The following PIWIL1 variants were observed in gnomAD, a reference collection of about 807,000 sequenced individuals.
PIWIL1 encodes the protein piwi like RNA-mediated gene silencing 1.
In PIWIL1, 73 loss-of-function variants were observed where a neutral mutation model predicts 114.4. That is an observed-to-expected ratio of 0.64 (90% CI 0.53 to 0.78). PIWIL1 has a LOEUF of 0.78. PIWIL1 is among the 30% of genes least tolerant of loss of function. PIWIL1 has a pLI of 0.00. For missense variants in PIWIL1, 723 were observed against 1,063.1 expected (o/e 0.68, Z 4.45); for synonymous variants, 375 against 369.0 (o/e 1.02, Z -0.19).
At chr12:130,419,604 A>T in the PIWIL1 span, 1 of 152,344 alleles carries the variant, frequency 6.6e-6, no homozygotes, top group African/African-American at 2.4e-5. The surrounding 1 kb of genome is among the most constrained non-coding windows in gnomAD (Gnocchi z 4.3). Context: ...CTTTGTCAAT[A>T]GAGTTACTAA....
the PIWIL1 span, among the ~76,000 whole-genome samples, chr12:130,392,968 G>A: frequency 1.0e-5 from 1 of 100,198 alleles, no homozygotes; most frequent in Non-Finnish European, 2.3e-5. Context: ...CCCAGTCACC[G>A]TCATCACGTG....
At chr12:130,346,892 T>C in intron 5 of PIWIL1, 49 bp from the exon 6 acceptor site, 1 of 1,588,320 alleles carries the variant, frequency 6.3e-7, no homozygotes, top group African/African-American at 1.4e-5. Context: ...TTGGGCATAA[T>C]TGTCCTTTAA....
chr12:130,349,388 T>G lies in PIWIL1; in HGVS notation c.884T>G (p.Phe295Cys). 2 of 1,613,676 alleles carry G rather than the reference T, an allele frequency of 1.2e-6. No individual in the cohort carries two copies. The highest frequency in any genetic ancestry group is 1.7e-6 in the Non-Finnish European group (2 of 1,179,652). ...NFYHQTEEHK[F>C]QEQVSKELIG... ...TATCATCAGACAGAAGAACATAAAT[T>G]TCAAGAACAAGTTTCCAAAGAACTA... The change falls in exon 8 of 21, where the codon TTT (phenylalanine) becomes TGT (cysteine). Residue 295 changes from phenylalanine (F) to cysteine (C), a missense_variant. This residue lies in a region of PIWIL1 where 190 missense variants were observed against 294.4 expected (regional missense o/e 0.65). Transcript: ENST00000245255.
At chr12:130,361,667 G>A in intron 16 of PIWIL1, 66 bp downstream of exon 16, 1 of 1,237,968 alleles carries the variant, frequency 8.1e-7, no homozygotes, top group Non-Finnish European at 1.2e-6. Flanking sequence ...AGGTTCAGGA[G>A]TAGTGTTCAT....
the PIWIL1 span, chr12:130,424,858 C>A: frequency 8.1e-7 from 1 of 1,231,920 alleles, no homozygotes; most frequent in South Asian, 4.1e-5. The surrounding 1 kb of genome is among the most constrained non-coding windows in gnomAD (Gnocchi z 9.8). Flanking sequence ...TCAGTGCAGT[C>A]CTTACGGGGT....
intron 16 of PIWIL1, 26 bp downstream of exon 16, chr12:130,361,627 T>TG: frequency 6.4e-7 from 1 of 1,572,028 alleles, no homozygotes; most frequent in Non-Finnish European, 8.8e-7. Context: ...CTACTGTGGG[T>TG]GGCAGTGAGG....
the PIWIL1 span, among the ~76,000 whole-genome samples, chr12:130,407,983 C>T: frequency 6.6e-6 from 1 of 152,178 alleles, no homozygotes; most frequent in Non-Finnish European, 1.5e-5. Flanking sequence ...CAGCAAACGT[C>T]TCTACTTTGG....
At chr12:130,424,087 G>T in the PIWIL1 span, 1 of 946,690 alleles carries the variant, frequency 1.1e-6, no homozygotes, top group Non-Finnish European at 1.4e-6. This position sits in a 1 kb window ranked among gnomAD's most constrained non-coding sequence, Gnocchi z 9.8. Flanking sequence ...CCAGTGAAAG[G>T]ATGGGACAGA....
chr12:130,424,660 T>C, the PIWIL1 span: 1 of 1,231,768 alleles, frequency 8.1e-7, no homozygotes, highest in Non-Finnish European at 1.0e-6. The surrounding 1 kb of genome is among the most constrained non-coding windows in gnomAD (Gnocchi z 9.8). Context: ...CTGTAGGGCC[T>C]GCCGGGCCTG....
chr12:130,340,731 C>G (rs1486554536), intron 1 of PIWIL1, among the ~76,000 whole-genome samples: 2 of 151,874 alleles, frequency 1.3e-5, no homozygotes, highest in Non-Finnish European at 2.9e-5. Context: ...AAGAGACTTT[C>G]ATGCGCCAGT....
the PIWIL1 span, among the ~76,000 whole-genome samples, chr12:130,391,257 C>T: frequency 2.0e-5 from 3 of 152,346 alleles, no homozygotes; most frequent in East Asian, 3.9e-4. Context: ...GTCTCCGCTT[C>T]GGAAACAATG....
intron 15 of PIWIL1, 30 bp from the exon 16 acceptor site, chr12:130,361,468 G>T: frequency 2.5e-6 from 4 of 1,610,686 alleles, no homozygotes; most frequent in Non-Finnish European, 3.4e-6. Context: ...GTACTCCATT[G>T]TATCTAAAAT....
chr12:130,420,182 C>G, the PIWIL1 span, among the ~76,000 whole-genome samples: 1 of 152,168 alleles, frequency 6.6e-6, no homozygotes, highest in African/African-American at 2.4e-5. This position sits in a 1 kb window ranked among gnomAD's most constrained non-coding sequence, Gnocchi z 4.3. Context: ...CCGAGTCCTC[C>G]TCCTCCTCAG....
At chr12:130,422,435 G>A in the PIWIL1 span, 29 of 1,558,168 alleles carry the variant, frequency 1.9e-5, no homozygotes, top group Middle Eastern at 3.4e-4. The surrounding 1 kb of genome is among the most constrained non-coding windows in gnomAD (Gnocchi z 5.2). Context: ...ACACAACAGC[G>A]ATGATGGGGC....
At chr12:130,399,146 A>G in the PIWIL1 span, 1 of 1,399,386 alleles carries the variant, frequency 7.1e-7, no homozygotes. Context: ...TAAGGTGTGA[A>G]ATGAACACTC....
At chr12:130,410,330 G>T in the PIWIL1 span, among the ~76,000 whole-genome samples, 1 of 152,150 alleles carries the variant, frequency 6.6e-6, no homozygotes, top group Admixed American at 6.5e-5. Flanking sequence ...CCAGCCTGTG[G>T]CTTTTTATTC....
At chr12:130,407,326 T>C in the PIWIL1 span, among the ~76,000 whole-genome samples, 1 of 152,184 alleles carries the variant, frequency 6.6e-6, no homozygotes, top group African/African-American at 2.4e-5. Flanking sequence ...ACCTCACCTA[T>C]CACTGGTTTC....
the PIWIL1 span, chr12:130,424,548 C>T: frequency 7.3e-6 from 9 of 1,231,980 alleles, no homozygotes; most frequent in Admixed American, 8.4e-5. The surrounding 1 kb of genome is among the most constrained non-coding windows in gnomAD (Gnocchi z 9.8). Context: ...GCGGCTGAAC[C>T]GACAGCCCCT....
chr12:130,424,906 C>T, the PIWIL1 span: 1 of 1,135,148 alleles, frequency 8.8e-7, no homozygotes, highest in Non-Finnish European at 1.1e-6. This position sits in a 1 kb window ranked among gnomAD's most constrained non-coding sequence, Gnocchi z 9.8. Context: ...AGTGTGTGGT[C>T]AGCATGAAGT....
Sources: allele counts gnomAD v4.1 joint callset (sites outside exome capture counted in the v4.1 genomes callset), GRCh38; gene constraint gnomAD v4.1.1; regional missense constraint gnomAD v4.1.1; non-coding constraint Gnocchi (gnomAD v3.1); transcripts MANE v1.5; gene names NCBI Gene and HGNC (gene_info 2026-07-23, HGNC 2026-07-21).